PKD1L1: variants seen among roughly 807,000 people sequenced by gnomAD.
PKD1L1 encodes the protein polycystin-1-like protein 1.
In PKD1L1, 236 loss-of-function variants were observed where a neutral mutation model predicts 323.4. The observed-to-expected ratio is 0.73, with a 90% CI of 0.66 to 0.81. The LOEUF is 0.81. PKD1L1 is among the 40% of genes least tolerant of loss of function. The probability of loss-of-function intolerance (pLI) is 0.00; values close to 1 mark genes in which losing one functional copy is unlikely to be tolerated. For synonymous variants in PKD1L1, 1,344 were observed against 1,335.0 expected (o/e 1.01, Z -0.15); for missense variants, 3,320 against 3,508.0 (o/e 0.95, Z 1.35).
intron 52 of PKD1L1, among the ~76,000 whole-genome samples, chr7:47,806,879 A>G (rs887561403): frequency 2.0e-5 from 3 of 152,094 alleles, no homozygotes; most frequent in Non-Finnish European, 4.4e-5. Context: ...ACACTTTAGC[A>G]CAGCATGTTA....
At chr7:47,876,266 G>GAA in intron 22 of PKD1L1, 49 bp from the exon 23 acceptor site, 1 of 1,594,012 alleles carries the variant, frequency 6.3e-7, no homozygotes, top group Non-Finnish European at 8.6e-7. Flanking sequence ...AACACACTGT[G>GAA]AATGATATCA....
chr7:47,878,817 G>A (rs536453500), intron 21 of PKD1L1, among the ~76,000 whole-genome samples: 88 of 152,352 alleles, frequency 5.8e-4, no homozygotes, highest in African/African-American at 2.0e-3. Flanking sequence ...CAGTCAGCGA[G>A]GGTGTGCAAG....
intron 1 of PKD1L1, among the ~76,000 whole-genome samples, chr7:47,944,087 G>C (rs762561656): frequency 6.6e-6 from 1 of 152,222 alleles, no homozygotes; most frequent in Non-Finnish European, 1.5e-5. Flanking sequence ...TACTTTTTCA[G>C]ATGCTGGTAT....
chr7:47,954,128 G>A, the PKD1L1 span, among the ~76,000 whole-genome samples: 3 of 152,202 alleles, frequency 2.0e-5, no homozygotes, highest in African/African-American at 7.2e-5. Flanking sequence ...TAAGGTCACT[G>A]GATGATGTCA....
Position 47,890,715 on chromosome 7 carries a change from G to T in PKD1L1, c.2502C>A (p.Phe834Leu). The T allele has an allele frequency of 6.2e-7, 1 of 1,613,316 alleles. No individual in the cohort carries two copies. ...ATAGSPAHPC[F>L]DSSTAHQLDA... Reference sequence around the variant, plus strand: ...CCAGTTGGTGTGCAGTGGAGGAGTCGAAGCAGGGATGTGCTGGGGAGCCAG... The same window carrying T: ...CCAGTTGGTGTGCAGTGGAGGAGTCTAAGCAGGGATGTGCTGGGGAGCCAG... The change falls in exon 16 of 57, where the codon TTC becomes TTA. Residue 834 changes from phenylalanine to leucine, a missense_variant. Coordinates refer to ENST00000289672, the MANE Select transcript of PKD1L1 (RefSeq NM_138295.5).
rs543746418 is a variant in PKD1L1 at position 47,810,049 on chromosome 7, T to C, written c.7582-472A>G. ...AAGCACTTTCTTAAAGTTCTCTATG[T>C]GATTCTCTCTCCAGTGGTGAGTTAC... On this transcript the variant is annotated intron_variant, in intron 50 of 56. Transcript: ENST00000289672. 2.0e-5 allele frequency among the ~76,000 whole-genome samples: 3 copies of C among 152,372 alleles called. No individual in the cohort carries two copies. The East Asian group carries it at 5.8e-4, about 29-fold the overall frequency.
intron 7 of PKD1L1, among the ~76,000 whole-genome samples, chr7:47,928,530 A>T (rs1787697819): frequency 6.6e-6 from 1 of 152,316 alleles, no homozygotes; most frequent in South Asian, 2.1e-4. Context: ...AGATTGCGCC[A>T]CTGCACTCCA....
upstream of PKD1L1, among the ~76,000 whole-genome samples, chr7:47,949,920 C>T (rs1788178980): frequency 6.6e-6 from 1 of 152,156 alleles, no homozygotes; most frequent in Non-Finnish European, 1.5e-5. Context: ...ACCTAACACA[C>T]CTGTCTCCTG....
chr7:47,900,605 G>T (rs1267213041), intron 13 of PKD1L1, among the ~76,000 whole-genome samples: 1 of 152,132 alleles, frequency 6.6e-6, no homozygotes, highest in African/African-American at 2.4e-5. Context: ...GTGAGCGCCT[G>T]TAATCCCAGC....
chr7:47,790,536 T>C (rs1786918734), intron 56 of PKD1L1, among the ~76,000 whole-genome samples: 2 of 151,780 alleles, frequency 1.3e-5, no homozygotes, highest in Admixed American at 6.6e-5. Context: ...TTTCACTGTG[T>C]TAGCCAGGAT....
upstream of PKD1L1, among the ~76,000 whole-genome samples, chr7:47,949,797 C>T (rs1412832178): frequency 6.6e-6 from 1 of 152,166 alleles, no homozygotes; most frequent in Non-Finnish European, 1.5e-5. Context: ...ACCCCTTGAA[C>T]AATGATGAAC....
At chr7:47,813,017 G>A in intron 49 of PKD1L1, 104 bp downstream of exon 49, 2 of 1,418,892 alleles carry the variant, frequency 1.4e-6, no homozygotes, top group Non-Finnish European at 1.9e-6. Flanking sequence ...TCGCAGGCCT[G>A]TCAGGAGGCT....
chr7:47,819,522 C>G, intron 46 of PKD1L1: 1 of 1,353,034 alleles, frequency 7.4e-7, no homozygotes. Flanking sequence ...CCTACTGGCA[C>G]AGGCTGTGCA....
intron 20 of PKD1L1, 114 bp downstream of exon 20, chr7:47,881,795 C>A (rs1438590551): frequency 2.0e-6 from 2 of 1,024,472 alleles, no homozygotes; most frequent in African/African-American, 1.6e-5. Context: ...AGAAAAGGTA[C>A]CACAATTCTA....
In PKD1L1 at chr7:47,840,598, G is replaced by A. The variant is rs1220067111; in HGVS notation, c.5446-31C>T. On this transcript the variant is annotated intron_variant, in intron 34 of 56. Coordinates refer to ENST00000289672, the MANE Select transcript of PKD1L1 (RefSeq NM_138295.5). This position sits in a 1 kb window ranked among gnomAD's most constrained non-coding sequence, Gnocchi z 4.1. ...AACAAAGAACAGGGGTGGGAACTCA[G>A]GCTATTTCACAGCAGACACCATGCA... 2 of 1,540,772 alleles carry A rather than the reference G, an allele frequency of 1.3e-6. No individual in the cohort carries two copies. The highest frequency in any genetic ancestry group is 4.5e-5 in the East Asian group (2 of 44,552).
At chr7:47,813,686 C>T in intron 48 of PKD1L1, 1 of 651,832 alleles carries the variant, frequency 1.5e-6, no homozygotes, top group African/African-American at 1.8e-5. Flanking sequence ...TCTCTAAGGC[C>T]AAAGAGTGAA....
At chr7:47,832,250 A>T (rs1369110677) in intron 41 of PKD1L1, among the ~76,000 whole-genome samples, 1 of 152,192 alleles carries the variant, frequency 6.6e-6, no homozygotes, top group Non-Finnish European at 1.5e-5. Flanking sequence ...CTGGTCTGCC[A>T]GTGTCAGCCT....
upstream of PKD1L1, among the ~76,000 whole-genome samples, chr7:47,951,118 T>C (rs1464871195): frequency 2.0e-5 from 3 of 152,216 alleles, no homozygotes; most frequent in Non-Finnish European, 2.9e-5. Context: ...GTAAAAATAT[T>C]CTGAATAAAA....
At chr7:47,829,624 G>C in intron 43 of PKD1L1, 23 bp from the exon 44 acceptor site, 2 of 1,588,632 alleles carry the variant, frequency 1.3e-6, no homozygotes, top group Non-Finnish European at 1.7e-6. Flanking sequence ...ACATGACAGC[G>C]CAGAGAGCCG....
Sources: allele counts gnomAD v4.1 joint callset (sites outside exome capture counted in the v4.1 genomes callset), GRCh38; gene constraint gnomAD v4.1.1; non-coding constraint Gnocchi (gnomAD v3.1); transcripts MANE v1.5; gene names NCBI Gene and HGNC (gene_info 2026-07-23, HGNC 2026-07-21).